Variants in DLGAP2 observed in about 807,000 individuals in gnomAD.
The protein encoded by DLGAP2 is disks large-associated protein 2.
In DLGAP2, 26 loss-of-function variants were observed where a neutral mutation model predicts 100.3. The ratio of observed to expected loss-of-function variants is 0.26; its 90% CI spans 0.19 to 0.36. DLGAP2 has a LOEUF of 0.36. Among genes scored for constraint, DLGAP2 ranks in the 10% least tolerant of loss-of-function variants. DLGAP2 has a pLI of 1.00. For missense variants in DLGAP2, 1,858 were observed against 1,453.2 expected, an observed-to-expected ratio of 1.28 and a Z score of -4.53; for synonymous variants, 886 against 630.1, an observed-to-expected ratio of 1.41 and a Z score of -6.08.
intron 3 of DLGAP2, among the ~76,000 whole-genome samples, chr8:1,354,965 G>A (rs12542924): frequency 2.1e-4 from 29 of 137,264 alleles, no homozygotes; most frequent in Middle Eastern, 3.7e-3. Flanking sequence ...GGATGATGCT[G>A]CGGATGAGGG....
chr8:1,427,271 T>C (rs1797261736), intron 3 of DLGAP2, among the ~76,000 whole-genome samples: 1 of 152,136 alleles, frequency 6.6e-6, no homozygotes, highest in East Asian at 1.9e-4. Context: ...GCAGACAAAT[T>C]AGTGAGGATA....
intron 2 of DLGAP2, among the ~76,000 whole-genome samples, chr8:1,030,510 A>C (rs546151972): frequency 1.3e-5 from 2 of 152,186 alleles, no homozygotes; most frequent in African/African-American, 4.8e-5. Flanking sequence ...TGTGTATTTT[A>C]TTATTGCTCT....
intron 2 of DLGAP2, among the ~76,000 whole-genome samples, chr8:1,146,617 G>C (rs544657202): frequency 6.6e-6 from 1 of 152,064 alleles, no homozygotes; most frequent in East Asian, 1.9e-4. Context: ...GTGCATGCAC[G>C]TGTGTGCATG....
intron 12 of DLGAP2, among the ~76,000 whole-genome samples, chr8:1,684,912 C>T (rs1030729594): frequency 2.0e-5 from 3 of 152,090 alleles, no homozygotes; most frequent in Admixed American, 1.3e-4. Context: ...CAAACGGTAT[C>T]GGAAACTTCC....
At chr8:1,332,505 A>G (rs1017839643) in intron 3 of DLGAP2, among the ~76,000 whole-genome samples, 1 of 152,140 alleles carries the variant, frequency 6.6e-6, no homozygotes, top group African/African-American at 2.4e-5. Flanking sequence ...CTGTGTACTC[A>G]TATCTGCACG....
intron 4 of DLGAP2, among the ~76,000 whole-genome samples, chr8:1,512,902 C>T (rs556837520): frequency 2.0e-5 from 3 of 152,392 alleles, no homozygotes; most frequent in Admixed American, 1.3e-4. Context: ...CGCACCGCCA[C>T]CCTGTGCCAT....
intron 12 of DLGAP2, among the ~76,000 whole-genome samples, chr8:1,682,175 C>T (rs1430503348): frequency 2.0e-5 from 3 of 152,234 alleles, no homozygotes; most frequent in Non-Finnish European, 2.9e-5. Flanking sequence ...GACTGTGACC[C>T]ACGTGTGGTC....
intron 1 of DLGAP2, among the ~76,000 whole-genome samples, chr8:812,402 C>T (rs909623478): frequency 9.2e-5 from 14 of 152,238 alleles, no homozygotes; most frequent in African/African-American, 3.1e-4. Context: ...CTCTTGTGTA[C>T]GGCTTCTCCC....
chr8:1,171,951 G>A (rs147380346), intron 2 of DLGAP2, among the ~76,000 whole-genome samples: 28,331 of 151,946 alleles, frequency 0.19, 2,822 homozygotes, highest in Middle Eastern at 0.34. Flanking sequence ...TATTTTGCTC[G>A]TTAGTTGATG....
At chr8:1,261,510 C>T (rs566277119) in intron 3 of DLGAP2, among the ~76,000 whole-genome samples, 11 of 107,856 alleles carry the variant, frequency 1.0e-4, no homozygotes, top group African/African-American at 3.0e-4. Context: ...TCCCCCTGTC[C>T]GGTGGGGAGC....
chr8:837,615 C>A (rs920864122), intron 1 of DLGAP2, among the ~76,000 whole-genome samples: 1 of 151,706 alleles, frequency 6.6e-6, no homozygotes, highest in African/African-American at 2.4e-5. Context: ...ATCCTGGCTT[C>A]CCAGGCTGGC....
At chr8:983,229 CCTCGAGAT>C in intron 2 of DLGAP2, among the ~76,000 whole-genome samples, 1 of 152,080 alleles carries the variant, frequency 6.6e-6, no homozygotes, top group African/African-American at 2.4e-5. Context: ...AGGTACAGGT[CCTCGAGAT>C]GTTCTTGTGT....
chr8:1,195,721 G>A (rs1447732991), intron 2 of DLGAP2, among the ~76,000 whole-genome samples: 6 of 152,154 alleles, frequency 3.9e-5, no homozygotes, highest in African/African-American at 9.7e-5. Context: ...ATGTCAGAAC[G>A]TTTGTTTAAT....
In DLGAP2 at chr8:832,880, G is replaced by A. The variant is rs147428733; in HGVS notation, c.19-75032G>A. On this transcript the variant is annotated intron_variant, in intron 1 of 14. Coordinates refer to ENST00000637795, the MANE Select transcript of DLGAP2 (RefSeq NM_001346810.2). ...AGGAGAGAGATGGCACGGGGTGTATGGACATGGGGTGGGCTCTTCCTCTTG... is the reference window on the plus strand; with the variant it reads ...AGGAGAGAGATGGCACGGGGTGTATAGACATGGGGTGGGCTCTTCCTCTTG... Among the ~76,000 whole-genome samples, 307 of 152,304 alleles carry A rather than the reference G, an allele frequency of 2.0e-3. 1 individual carries two copies. The highest frequency in any genetic ancestry group is 6.8e-3 in the African/African-American group (284 of 41,572).
At chr8:1,228,540 A>T (rs1798469437) in intron 2 of DLGAP2, among the ~76,000 whole-genome samples, 1 of 152,220 alleles carries the variant, frequency 6.6e-6, no homozygotes, top group South Asian at 2.1e-4. Flanking sequence ...GAATATAGAT[A>T]TAAAAATCCT....
intron 6 of DLGAP2, among the ~76,000 whole-genome samples, chr8:1,585,046 T>C (rs1353986278): frequency 6.6e-6 from 1 of 152,008 alleles, no homozygotes; most frequent in Non-Finnish European, 1.5e-5. Context: ...TATTCTTTTC[T>C]GTTATTTCTA....
intron 2 of DLGAP2, among the ~76,000 whole-genome samples, chr8:1,172,364 G>C: frequency 6.6e-6 from 1 of 151,500 alleles, no homozygotes; most frequent in African/African-American, 2.4e-5. Flanking sequence ...TATGTGTCTT[G>C]GAGTTGCTCT....
chr8:1,495,269 C>T (rs1306387553), intron 3 of DLGAP2, among the ~76,000 whole-genome samples: 1 of 152,102 alleles, frequency 6.6e-6, no homozygotes, highest in African/African-American at 2.4e-5. Flanking sequence ...ACCAGACAGC[C>T]AGTGCCAGCG....
intron 3 of DLGAP2, among the ~76,000 whole-genome samples, chr8:1,428,099 TAAATA>T (rs1046016922): frequency 4.6e-5 from 7 of 151,418 alleles, no homozygotes; most frequent in African/African-American, 9.7e-5. Flanking sequence ...CAGAGTACGC[TAAATA>T]AAATAAGAGA....
Sources: allele counts gnomAD v4.1 joint callset (sites outside exome capture counted in the v4.1 genomes callset), GRCh38; gene constraint gnomAD v4.1.1; transcripts MANE v1.5; gene names NCBI Gene and HGNC (gene_info 2026-07-23, HGNC 2026-07-21).